Variants in WDR7 observed in about 807,000 individuals in gnomAD.
The protein encoded by WDR7 is WD repeat-containing protein 7.
A neutral mutation model predicts 169.4 loss-of-function variants in WDR7; 46 were observed. The ratio of observed to expected loss-of-function variants is 0.27; its 90% confidence interval spans 0.21 to 0.35. WDR7 has a LOEUF of 0.35. Among genes scored for constraint, WDR7 ranks in the 10% least tolerant of loss-of-function variants. The pLI is 1.00. For missense variants in WDR7, 1,534 were observed against 1,859.3 expected (o/e 0.83, Z 3.22); for synonymous variants, 612 against 666.8 (o/e 0.92, Z 1.27).
At chr18:56,867,128 G>A (rs913501554) in intron 20 of WDR7, among the ~76,000 whole-genome samples, 14 of 152,036 alleles carry the variant, frequency 9.2e-5, no homozygotes, top group Non-Finnish European at 1.8e-4. Context: ...GGGCTCAAGC[G>A]ATTCTCCCAT....
At chr18:56,696,839 A>G (rs183516192) in intron 12 of WDR7, among the ~76,000 whole-genome samples, 2 of 152,320 alleles carry the variant, frequency 1.3e-5, no homozygotes, top group East Asian at 3.9e-4. Context: ...AGCAAAGACA[A>G]TGAATATATA....
intron 20 of WDR7, among the ~76,000 whole-genome samples, chr18:56,825,254 G>A (rs2045179236): frequency 6.6e-6 from 1 of 152,134 alleles, no homozygotes; most frequent in Admixed American, 6.6e-5. Context: ...TTTTTTGTGT[G>A]TGCATGTAAA....
chr18:56,824,669 A>G (rs1214063634), intron 20 of WDR7, among the ~76,000 whole-genome samples: 1 of 152,212 alleles, frequency 6.6e-6, no homozygotes, highest in Non-Finnish European at 1.5e-5. Context: ...TAGTGAGGTG[A>G]TGTAGGCTTA....
At chr18:57,020,520 G>T (rs2048273141) in intron 26 of WDR7, among the ~76,000 whole-genome samples, 1 of 152,150 alleles carries the variant, frequency 6.6e-6, no homozygotes, top group South Asian at 2.1e-4. Context: ...CCCCAACTAG[G>T]AGGCAGGTGG....
intron 13 of WDR7, among the ~76,000 whole-genome samples, chr18:56,724,066 T>A (rs1198874057): frequency 6.6e-6 from 1 of 152,050 alleles, no homozygotes; most frequent in African/African-American, 2.4e-5. Flanking sequence ...GCAAAACCTT[T>A]TGAACATCTG....
At chr18:56,920,466 A>G (rs1599158839) in intron 21 of WDR7, among the ~76,000 whole-genome samples, 2 of 152,286 alleles carry the variant, frequency 1.3e-5, no homozygotes, top group East Asian at 1.9e-4. Flanking sequence ...CCTAGCACAT[A>G]GTAGAGTATA....
intron 22 of WDR7, among the ~76,000 whole-genome samples, chr18:56,930,585 G>A (rs2046871093): frequency 6.6e-6 from 1 of 152,188 alleles, no homozygotes; most frequent in Admixed American, 6.5e-5. Context: ...CCACCTGCAA[G>A]TTGTGAAATA....
At chr18:56,934,446 A>G (rs1478812214) in intron 22 of WDR7, among the ~76,000 whole-genome samples, 1 of 151,610 alleles carries the variant, frequency 6.6e-6, no homozygotes, top group Non-Finnish European at 1.5e-5. Context: ...CTGCTTGTGC[A>G]TTGTTCAATA....
At chr18:56,676,972 G>A (rs1460804127) in intron 2 of WDR7, among the ~76,000 whole-genome samples, 1 of 152,176 alleles carries the variant, frequency 6.6e-6, no homozygotes, top group Non-Finnish European at 1.5e-5. Context: ...GTCTTGAAAC[G>A]TTGTAGTTAT....
At chr18:56,903,640 G>A (rs1265359987) in intron 21 of WDR7, among the ~76,000 whole-genome samples, 1 of 151,832 alleles carries the variant, frequency 6.6e-6, no homozygotes, top group African/African-American at 2.4e-5. Context: ...GGCTGGTCTT[G>A]AACTCCTGAC....
chr18:56,915,669 C>T (rs761190082), intron 21 of WDR7, among the ~76,000 whole-genome samples: 2 of 152,094 alleles, frequency 1.3e-5, no homozygotes, highest in Non-Finnish European at 2.9e-5. Context: ...TGTTTCCTAC[C>T]AGCAGACAGC....
At chr18:57,017,054 C>T (rs1349404470) in intron 26 of WDR7, among the ~76,000 whole-genome samples, 1 of 152,244 alleles carries the variant, frequency 6.6e-6, no homozygotes, top group Non-Finnish European at 1.5e-5. Context: ...CAATCCGCTC[C>T]ATCACAAAGC....
chr18:56,844,489 C>G (rs2045538674), intron 20 of WDR7, among the ~76,000 whole-genome samples: 4 of 152,100 alleles, frequency 2.6e-5, no homozygotes, highest in Admixed American at 2.6e-4. Flanking sequence ...AAAGATTAGA[C>G]TCTAAATTGA....
intron 18 of WDR7, 93 bp downstream of exon 18, chr18:56,779,642 A>C: frequency 1.1e-6 from 1 of 919,714 alleles, no homozygotes; most frequent in Admixed American, 2.4e-5. Context: ...TGTTTATCTG[A>C]TTTATCATCT....
At chr18:56,868,575 ACCATGTCTAC>A (rs1271969275) in intron 20 of WDR7, among the ~76,000 whole-genome samples, 1 of 152,174 alleles carries the variant, frequency 6.6e-6, no homozygotes, top group Non-Finnish European at 1.5e-5. Flanking sequence ...ACAGAAACGT[ACCATGTCTAC>A]CCCGCTATTT....
chr18:56,706,110 A>G (rs982779518), intron 12 of WDR7, among the ~76,000 whole-genome samples: 2 of 152,248 alleles, frequency 1.3e-5, no homozygotes, highest in African/African-American at 4.8e-5. Context: ...GGTAGGGAAG[A>G]AAAAAGTAAA....
rs541577153 is a variant in WDR7 at position 56,772,266 on chromosome 18, C to G, written c.2849-4516C>G. ...TGCTCCATCAAAATAAAGAAGTAAA[C>G]CAAGGAAAAATAAAACATGGGGCCC... On this transcript the variant is annotated intron_variant, in intron 16 of 27. Transcript: ENST00000254442. Among the ~76,000 whole-genome samples the G allele has an allele frequency of 4.6e-5, 7 of 151,990 alleles. No individual in the cohort carries two copies. The East Asian group carries it at 1.2e-3, about 25-fold the overall frequency.
chr18:56,756,441 G>A (rs1393910505), intron 14 of WDR7, 142 bp from the exon 15 acceptor site: 5 of 698,832 alleles, frequency 7.2e-6, no homozygotes, highest in Non-Finnish European at 8.8e-6. Flanking sequence ...GGCAAAGTTA[G>A]TATGTTACTT....
chr18:57,005,281 C>T (rs963514817), intron 26 of WDR7, among the ~76,000 whole-genome samples: 1 of 151,988 alleles, frequency 6.6e-6, no homozygotes, highest in African/African-American at 2.4e-5. Context: ...TAATAATCTT[C>T]CTTTTTTAAA....
Sources: gnomAD v4.1 joint callset for allele counts (sites outside exome capture counted in the v4.1 genomes callset) on GRCh38, gnomAD v4.1.1 for gene constraint, MANE v1.5 for transcripts, NCBI Gene and HGNC (gene_info 2026-07-23, HGNC 2026-07-21) for gene names.